Variants in LMAN2 observed in about 807,000 individuals in gnomAD.
LMAN2 encodes the protein lectin, mannose binding 2, also known as vesicular integral-membrane protein VIP36.
In LMAN2, 22 loss-of-function variants were observed where a neutral mutation model predicts 39.3. That is an observed-to-expected ratio of 0.56 (90% CI 0.40 to 0.80). The LOEUF is 0.80. Ranked by LOEUF, LMAN2 falls within the 30% of genes least tolerant of loss-of-function variation. LMAN2 has a pLI of 0.00. For synonymous variants in LMAN2, 207 were observed against 207.8 expected (o/e 1.00, Z 0.03); for missense variants, 494 against 505.4 (o/e 0.98, Z 0.22).
At position 177,337,602 on chromosome 5, in the gene LMAN2, G is replaced by A; in HGVS notation, c.514-78C>T. 2 of 1,605,978 alleles carry A rather than the reference G, an allele frequency of 1.2e-6. No individual in the cohort carries two copies. Among genetic ancestry groups the A allele is most frequent in the Non-Finnish European group, 1.7e-6 (2 of 1,175,030 alleles). On this transcript the variant is annotated intron_variant, in intron 4 of 7. Coordinates refer to ENST00000303127, the MANE Select transcript of LMAN2 (RefSeq NM_006816.3). This position sits in a 1 kb window ranked among gnomAD's most constrained non-coding sequence, Gnocchi z 8.2. The stretch of plus-strand genomic sequence containing the variant: ...AGGGGCACCCACCACCCCAATCCCT[G>A]GAGGCTCCTCTTGTGCTGGGACCAT...
rs1761389062 is a variant in LMAN2, at chr5:177,331,829, G to C, written c.*257C>G. The stretch of plus-strand genomic sequence containing the variant: ...TGCCTGCAGGGGCCACAGCCCATCT[G>C]TAGACACAGACCCCTGCTCCTGAGA... On this transcript the variant is annotated 3_prime_UTR_variant, in exon 8 of 8. Transcript: ENST00000303127. 1 of 424,304 alleles carries C rather than the reference G, an allele frequency of 2.4e-6. No homozygotes were observed. Among genetic ancestry groups the C allele is most frequent in the South Asian group, 3.7e-5 (1 of 26,750 alleles). 26.3% of individuals were successfully genotyped at this position (424,304 alleles called of 1,614,324 possible).
intron 2 of LMAN2, among the ~76,000 whole-genome samples, chr5:177,340,904 G>C (rs976480359): frequency 1.3e-5 from 2 of 151,402 alleles, no homozygotes; most frequent in South Asian, 2.1e-4. Flanking sequence ...ACAGGCGCCC[G>C]CCACCACACC....
At chr5:177,348,306 AG>A (rs1761667417) in intron 2 of LMAN2, among the ~76,000 whole-genome samples, 1 of 152,240 alleles carries the variant, frequency 6.6e-6, no homozygotes, top group Non-Finnish European at 1.5e-5. Flanking sequence ...AGAATATGGT[AG>A]GCTAATGAAT....
chr5:177,340,977 G>T (rs575515366), intron 2 of LMAN2, among the ~76,000 whole-genome samples: 1 of 151,448 alleles, frequency 6.6e-6, no homozygotes, highest in Non-Finnish European at 1.5e-5. Context: ...GGATGGTCAC[G>T]ATCTCCTGAC....
chr5:177,340,856 G>A (rs1408553700), intron 2 of LMAN2, among the ~76,000 whole-genome samples: 2 of 151,318 alleles, frequency 1.3e-5, no homozygotes, highest in Non-Finnish European at 2.9e-5. Flanking sequence ...CCGGGTTCAC[G>A]CCATTCTCCT....
At chr5:177,348,657 C>T (rs2127319836) in intron 2 of LMAN2, among the ~76,000 whole-genome samples, 1 of 140,864 alleles carries the variant, frequency 7.1e-6, no homozygotes, top group East Asian at 2.1e-4. Flanking sequence ...CACTGCATTC[C>T]AGCCTGGGTG....
intron 7 of LMAN2, 101 bp downstream of exon 7, chr5:177,334,174 GACCACAACC>G: frequency 6.7e-7 from 1 of 1,488,374 alleles, no homozygotes; most frequent in East Asian, 2.3e-5. Context: ...CAAGAGCCCA[GACCACAACC>G]ACCACAACCA....
intron 2 of LMAN2, among the ~76,000 whole-genome samples, chr5:177,342,370 G>A (rs1241586749): frequency 6.6e-6 from 1 of 151,952 alleles, no homozygotes; most frequent in Non-Finnish European, 1.5e-5. Flanking sequence ...AGTATATAAA[G>A]ATCAGAGATC....
In LMAN2 at chr5:177,337,331, C is replaced by G; in HGVS notation, c.675+32G>C. On this transcript the variant is annotated intron_variant, in intron 5 of 7. Transcript: ENST00000303127. The surrounding 1 kb of genome is among the most constrained non-coding windows in gnomAD (Gnocchi z 8.2). ...CTCTGTGGGACCAGCACAGGGCCAC[C>G]AGCTGCCACCCCCACCGCCTAGCCT... The G allele has an allele frequency of 6.2e-7, 1 of 1,610,324 alleles. No homozygotes were observed. The highest frequency in any genetic ancestry group is 8.5e-7 in the Non-Finnish European group (1 of 1,179,598).
intron 2 of LMAN2, among the ~76,000 whole-genome samples, chr5:177,345,770 TTTATTTATTTA>T (rs1448024752): frequency 1.3e-5 from 2 of 150,864 alleles, no homozygotes; most frequent in African/African-American, 4.9e-5. Context: ...TATTTATTTA[TTTATTTATTTA>T]TTTTTTGAGA....
At position 177,340,161 on chromosome 5, in the gene LMAN2, A is replaced by G. The variant is rs953109132; in HGVS notation, c.316-1556T>C. ...GTCCTACAAACCAAAGGAGATGACT[A>G]AAAAGAAAACCATATTTAGGCACAA... On this transcript the variant is annotated intron_variant, in intron 2 of 7. Transcript: ENST00000303127. Among the ~76,000 whole-genome samples, 7 of 152,322 alleles carry G rather than the reference A, an allele frequency of 4.6e-5. No homozygotes were observed. The East Asian group carries it at 1.3e-3, about 29-fold the overall frequency.
chr5:177,334,194 C>T, intron 7 of LMAN2, 90 bp downstream of exon 7: 5 of 1,512,980 alleles, frequency 3.3e-6, no homozygotes, highest in South Asian at 2.6e-5. Flanking sequence ...ACCACAACCA[C>T]GACTGGACCA....
chr5:177,338,088 A>C (rs2127315484), intron 3 of LMAN2, among the ~76,000 whole-genome samples: 1 of 152,282 alleles, frequency 6.6e-6, no homozygotes, highest in Admixed American at 6.5e-5. Context: ...AGCCCTACCC[A>C]GGAGGCTCTA....
intron 2 of LMAN2, among the ~76,000 whole-genome samples, chr5:177,350,177 G>C (rs894667858): frequency 6.6e-6 from 1 of 152,152 alleles, no homozygotes; most frequent in African/African-American, 2.4e-5. Context: ...CAGAGGGGAC[G>C]GGCAGACCAG....
rs561299807 is a variant in LMAN2, at chr5:177,341,513, G to A, written c.316-2908C>T. Among the ~76,000 whole-genome samples, 37 of 152,336 alleles carry A rather than the reference G, an allele frequency of 2.4e-4. No individual in the cohort carries two copies. In the South Asian group the frequency reaches 7.5e-3, roughly 31 times the overall value. ...GATGACTGATATGTTTGGAGATACA[G>A]GAAGGTAACAGCCAGCATGGGATTC... On this transcript the variant is annotated intron_variant, in intron 2 of 7. Coordinates refer to ENST00000303127, the MANE Select transcript of LMAN2 (RefSeq NM_006816.3).
intron 6 of LMAN2, chr5:177,336,808 A>G: frequency 2.4e-6 from 1 of 424,342 alleles, no homozygotes; most frequent in Non-Finnish European, 4.4e-6. Context: ...GAAGGTTGCC[A>G]AGGGACCGTT....
chr5:177,337,415 T>A lies in LMAN2; in HGVS notation c.623A>T (p.Asn208Ile). The change falls in exon 5 of 8, where the codon AAC (asparagine) becomes ATC (isoleucine). Residue 208 changes from asparagine (N) to isoleucine (I), a missense_variant. Coordinates refer to ENST00000303127, the MANE Select transcript of LMAN2 (RefSeq NM_006816.3). The surrounding 1 kb of genome is among the most constrained non-coding windows in gnomAD (Gnocchi z 8.2). ...ELAGCTADFR[N>I]RDHDTFLAVR... The stretch of plus-strand genomic sequence containing the variant: ...AGCCAGGAAGGTGTCGTGATCGCGG[T>A]TGCGGAAGTCAGCCGTGCAGCCCGC... 1 of 1,613,304 alleles carries A rather than the reference T, an allele frequency of 6.2e-7. No homozygotes were observed. Among genetic ancestry groups the A allele is most frequent in the Non-Finnish European group, 8.5e-7 (1 of 1,179,992 alleles).
intron 6 of LMAN2, chr5:177,336,770 A>T (rs538247933): frequency 2.2e-5 from 8 of 368,120 alleles, no homozygotes; most frequent in African/African-American, 4.2e-5. Context: ...GCCCAAATCT[A>T]ACTGACCCGC....
At chr5:177,333,724 CTG>C (rs1299924851) in intron 7 of LMAN2, among the ~76,000 whole-genome samples, 1 of 152,246 alleles carries the variant, frequency 6.6e-6, no homozygotes. Flanking sequence ...AACGTTCACT[CTG>C]TGAGGAAAGG....
Sources: gnomAD v4.1 joint callset for allele counts (sites outside exome capture counted in the v4.1 genomes callset) on GRCh38, gnomAD v4.1.1 for gene constraint, Gnocchi (gnomAD v3.1) non-coding constraint, MANE v1.5 for transcripts, NCBI Gene and HGNC (gene_info 2026-07-23, HGNC 2026-07-21) for gene names.